HK1: variants seen among roughly 807,000 people sequenced by gnomAD.
HK1 encodes hexokinase-1.
A neutral mutation model predicts 91.6 loss-of-function variants in HK1; 28 were observed. The ratio of observed to expected loss-of-function variants is 0.31; its 90% CI spans 0.23 to 0.42. The LOEUF (loss-of-function observed/expected upper bound fraction) is 0.42, where lower values mean the gene tolerates loss of function less well. HK1 is among the 10% of genes least tolerant of loss of function. The pLI is 1.00. For missense variants in HK1, 770 were observed against 1,219.8 expected, an observed-to-expected ratio of 0.63 and a Z score of 5.49; for synonymous variants, 430 against 468.1, an observed-to-expected ratio of 0.92 and a Z score of 1.05.
rs996805990 is a variant in HK1 at position 69,295,680 on chromosome 10, G to A, written c.-67G>A. ...AACTTCATCTACTTGCTGAAAGTGA[G>A]GTAAGAAAGCTATTTTTTTTTTTAT... On this transcript the variant is annotated splice_region_variant and 5_prime_UTR_variant, in exon 4 of 22. Transcript: ENST00000360289. 3.8e-6 allele frequency: 6 copies of A among 1,590,920 alleles called. No individual in the cohort carries two copies. The Admixed American group carries it at 8.3e-5, about 22-fold the overall frequency.
chr10:69,382,374 CA>C (rs955379262), intron 9 of HK1, 112 bp from the exon 10 acceptor site: 203 of 1,175,424 alleles, frequency 1.7e-4, no homozygotes, highest in Non-Finnish European at 2.0e-4. Context: ...GACCCTGTCT[CA>C]AAAAAAAGGA....
At chr10:69,290,020 G>A (rs1044180625) in intron 3 of HK1, among the ~76,000 whole-genome samples, 6 of 152,022 alleles carry the variant, frequency 3.9e-5, no homozygotes, top group Admixed American at 6.6e-5. Flanking sequence ...TCTGAGTAGC[G>A]GGCTCATTTC....
rs1030900897 is a variant in HK1, at chr10:69,387,635, C to G, written c.1935+1217C>G. ...CTGGGCTCCAGTGATCCTCCTGCCT[C>G]ACCCTCCCAAAGTGTTAGGATTCCA... On this transcript the variant is annotated intron_variant, in intron 13 of 17. Transcript: ENST00000359426. Among the ~76,000 whole-genome samples the G allele has an allele frequency of 2.6e-5, 4 of 152,134 alleles. No homozygotes were observed. The East Asian group carries it at 7.7e-4, about 29-fold the overall frequency.
At position 69,392,204 on chromosome 10, in the gene HK1, C is replaced by G; in HGVS notation, c.2115C>G (p.Ile705Met). Residue 705 changes from isoleucine to methionine, a missense_variant, in exon 15 of 18, where the codon ATC becomes ATG. Physicochemically the swap from Ile to Met is conservative, Grantham distance 10. Coordinates refer to ENST00000359426, the MANE Select transcript of HK1 (RefSeq NM_000188.3). ...AGGGGGACCAGGGGCAGATGTGCAT[C>G]AACATGGAGTGGGGGGCCTTTGGGG... ...MVEGDQGQMC[I>M]NMEWGAFGDN... 1 of 1,614,138 alleles carries G rather than the reference C, an allele frequency of 6.2e-7. No individual in the cohort carries two copies. The highest frequency in any genetic ancestry group is 8.5e-7 in the Non-Finnish European group (1 of 1,180,012).
chr10:69,318,833 C>A (rs1054456117), upstream of HK1: 18 of 1,456,642 alleles, frequency 1.2e-5, no homozygotes, highest in Non-Finnish European at 1.6e-5. Context: ...GGGGAGGAGC[C>A]GGGGGAGGAG....
chr10:69,386,241 C>G, intron 12 of HK1, 82 bp from the exon 13 acceptor site: 1 of 1,092,348 alleles, frequency 9.2e-7, no homozygotes, highest in African/African-American at 1.5e-5. Flanking sequence ...CAGTTGTTGA[C>G]TCAGGAGGGA....
intron 2 of HK1, among the ~76,000 whole-genome samples, chr10:69,357,277 A>G (rs1196033145): frequency 6.6e-6 from 1 of 152,244 alleles, no homozygotes; most frequent in Non-Finnish European, 1.5e-5. Context: ...GCCAAAAGGT[A>G]GAAACAAACC....
At chr10:69,375,601 C>T (rs1195340443) in intron 7 of HK1, among the ~76,000 whole-genome samples, 1 of 152,182 alleles carries the variant, frequency 6.6e-6, no homozygotes, top group Non-Finnish European at 1.5e-5. Flanking sequence ...GCTCAGGTCT[C>T]GGCAGCATCC....
chr10:69,313,443 T>C (rs140631762), upstream of HK1, among the ~76,000 whole-genome samples: 185 of 152,246 alleles, frequency 1.2e-3, 2 homozygotes, highest in African/African-American at 4.2e-3. Flanking sequence ...GAAATCTAGA[T>C]TTTATTTTAT....
At position 69,369,333 on chromosome 10, in the gene HK1, A is replaced by G. The variant is rs375278763; in HGVS notation, c.688A>G (p.Ile230Val). The change falls in exon 6 of 18, where the codon ATC becomes GTC. Residue 230 changes from isoleucine (I) to valine (V), a missense_variant. Ile to Val is a conservative substitution (Grantham distance 29). This residue lies in a region of HK1 where 449 missense variants were observed against 665.1 expected (regional missense o/e 0.68). Transcript: ENST00000359426. The surrounding 1 kb of genome is among the most constrained non-coding windows in gnomAD (Gnocchi z 4.4). ...CCAGCACTGTGAAGTCGGCCTGATC[A>G]TCGGTAATGCATTCCCCTTTGCCCA... is the stretch of plus-strand genomic sequence containing the variant. The part of the protein sequence containing the change: ...DDQHCEVGLI[I>V]GTGTNACYME... 1.2e-6 allele frequency: 2 copies of G among 1,613,952 alleles called. No individual in the cohort carries two copies. The highest frequency in any genetic ancestry group is 2.7e-5 in the African/African-American group (2 of 74,932).
chr10:69,371,695 G>C (rs1432067440), intron 7 of HK1, among the ~76,000 whole-genome samples: 1 of 152,196 alleles, frequency 6.6e-6, no homozygotes, highest in African/African-American at 2.4e-5. Context: ...CATGGCTTGG[G>C]TGTAAACTTG....
At chr10:69,378,075 G>A (rs1839205827) in intron 8 of HK1, among the ~76,000 whole-genome samples, 1 of 152,218 alleles carries the variant, frequency 6.6e-6, no homozygotes, top group Non-Finnish European at 1.5e-5. Context: ...ATGTGCTGGA[G>A]TTTGTTGTAT....
chr10:69,379,802 AG>A, intron 8 of HK1, 59 bp from the exon 9 acceptor site: 2 of 1,200,832 alleles, frequency 1.7e-6, no homozygotes, highest in Admixed American at 3.4e-5. Context: ...TTTGAGCCTC[AG>A]TGCTTTGCAC....
chr10:69,300,735 G>A, intron 4 of HK1: 1 of 1,199,774 alleles, frequency 8.3e-7, no homozygotes, highest in South Asian at 1.2e-5. Flanking sequence ...TTTGGAGCAT[G>A]GCCTAAGAAC....
chr10:69,328,693 A>G (rs953665239), intron 1 of HK1, among the ~76,000 whole-genome samples: 5 of 152,216 alleles, frequency 3.3e-5, no homozygotes, highest in Non-Finnish European at 7.3e-5. Flanking sequence ...TGTACAATTC[A>G]GTGGTTTCTA....
intron 2 of HK1, among the ~76,000 whole-genome samples, chr10:69,346,755 A>G (rs34815317): frequency 7.2e-5 from 11 of 152,048 alleles, no homozygotes; most frequent in Non-Finnish European, 1.3e-4. Flanking sequence ...TTGCTGCTGC[A>G]TATCATTTTT....
At chr10:69,350,718 C>T (rs979308947) in intron 2 of HK1, among the ~76,000 whole-genome samples, 1 of 152,036 alleles carries the variant, frequency 6.6e-6, no homozygotes, top group African/African-American at 2.4e-5. Context: ...AACATTAAAA[C>T]AGCAAATTAA....
At position 69,348,862 on chromosome 10, in the gene HK1, G is replaced by A. The variant is rs556851175; in HGVS notation, c.226+4873G>A. Among the ~76,000 whole-genome samples the A allele has an allele frequency of 7.9e-5, 12 of 151,930 alleles. No homozygotes were observed. In the South Asian group the frequency reaches 1.0e-3, roughly 13 times the overall value. On this transcript the variant is annotated intron_variant, in intron 2 of 17. Transcript: ENST00000359426. The stretch of plus-strand genomic sequence containing the variant: ...AGCTGGACTCAGGCAGGCATTTCCC[G>A]CAGGCAGAGTTTTTGCTTGCCCTGT...
rs1849914854 is a variant in HK1 at position 69,369,962 on chromosome 10, T to C, written c.875+338T>C. On this transcript the variant is annotated intron_variant, in intron 7 of 17. Coordinates refer to ENST00000359426, the MANE Select transcript of HK1 (RefSeq NM_000188.3). This position sits in a 1 kb window ranked among gnomAD's most constrained non-coding sequence, Gnocchi z 4.4. The stretch of plus-strand genomic sequence containing the variant: ...CATGTTGGCCAGGCTGGTCTCAAAC[T>C]CCTGACTTCAAGCGATCTGCCTGCC... Among the ~76,000 whole-genome samples the C allele has an allele frequency of 6.6e-6, 1 of 152,126 alleles. No individual in the cohort carries two copies.
Sources: gnomAD v4.1 joint callset for allele counts (sites outside exome capture counted in the v4.1 genomes callset) on GRCh38, gnomAD v4.1.1 for gene constraint, gnomAD v4.1.1 regional missense constraint, Gnocchi (gnomAD v3.1) non-coding constraint, MANE v1.5 for transcripts, NCBI Gene and HGNC (gene_info 2026-07-23, HGNC 2026-07-21) for gene names.